Variants in SQLE observed in about 807,000 individuals in gnomAD.
SQLE encodes squalene epoxidase.
In SQLE, 29 loss-of-function variants were observed where a neutral mutation model predicts 60.7. That is an observed-to-expected ratio of 0.48 (90% CI 0.36 to 0.65). SQLE has a LOEUF of 0.65. Among genes scored for constraint, SQLE ranks in the 30% least tolerant of loss-of-function variants. The pLI is 0.00. For missense variants in SQLE, 605 were observed against 684.1 expected (o/e 0.88, Z 1.29); for synonymous variants, 237 against 246.8 (o/e 0.96, Z 0.37).
At position 125,011,411 on chromosome 8, in the gene SQLE, G is replaced by A. The variant is rs1338823114; in HGVS notation, c.1109-126G>A. The A allele has an allele frequency of 9.8e-6, 6 of 611,786 alleles. No homozygotes were observed. The Admixed American group carries it at 1.0e-4, about 11-fold the overall frequency. The allele number at this position is 611,786 out of a possible 1,614,324, so 37.9% of individuals were successfully genotyped here. On this transcript the variant is annotated intron_variant, in intron 6 of 10. Coordinates refer to ENST00000265896, the MANE Select transcript of SQLE (RefSeq NM_003129.4). ...ATAATTAGTTCTTGATTTATCACAA[G>A]GGATATATGTAACAACCATAACAGA...
chr8:125,000,314 G>C (rs142944342), intron 1 of SQLE, among the ~76,000 whole-genome samples: 1 of 152,222 alleles, frequency 6.6e-6, no homozygotes, highest in African/African-American at 2.4e-5. Flanking sequence ...GAGAAGATGA[G>C]GGGGAAGAGT....
At chr8:125,007,785 T>C (rs1336187735) in intron 4 of SQLE, among the ~76,000 whole-genome samples, 1 of 152,240 alleles carries the variant, frequency 6.6e-6, no homozygotes, top group Non-Finnish European at 1.5e-5. Flanking sequence ...ATACTCAGCC[T>C]GTGTTATTTA....
rs1350073062 is a variant in SQLE, at chr8:125,011,756, A to G, written c.1204+124A>G. ...GTTTGTCACTGTGGATTAGTGCATT[A>G]TTAATACCAAAATTAGTTTTATGAT... is the stretch of plus-strand genomic sequence containing the variant. On this transcript the variant is annotated intron_variant, in intron 7 of 10. Coordinates refer to ENST00000265896, the MANE Select transcript of SQLE (RefSeq NM_003129.4). 3.9e-6 allele frequency: 3 copies of G among 769,358 alleles called. No homozygotes were observed. The African/African-American group carries it at 5.3e-5, about 14-fold the overall frequency. The allele number at this position is 769,358 out of a possible 1,614,324, so 47.7% of individuals were successfully genotyped here. A position where few individuals can be genotyped will look rare whatever the true frequency, so the allele number is the denominator to read the frequency against.
At chr8:125,009,426 A>C in intron 6 of SQLE, 83 bp downstream of exon 6, 2 of 1,279,744 alleles carry the variant, frequency 1.6e-6, no homozygotes, top group Non-Finnish European at 2.1e-6. Context: ...ACATTCATCC[A>C]GTCAACCAGA....
Position 125,021,830 on chromosome 8 carries a change from CA to C in SQLE, c.1611del (p.Glu538AsnfsTer23), listed in dbSNP as rs754816092. ...TATGCCGTGTATTTTTGCTTTAAGTCAGAACCTTGGATTACAAAACCTCGAG... is the reference window on the plus strand; with the variant it reads ...TATGCCGTGTATTTTTGCTTTAAGTCGAACCTTGGATTACAAAACCTCGAG... ...AIYAVYFCFKSEPWITKPRAL... is the reference protein window; with the variant it reads ...AIYAVYFCFKXEPWITKPRAL... On this transcript the variant is annotated frameshift_variant, in exon 11 of 11. Transcript: ENST00000265896. LOFTEE classifies it high-confidence loss of function. The C allele has an allele frequency of 6.2e-7, 1 of 1,610,208 alleles. No individual in the cohort carries two copies. The highest frequency in any genetic ancestry group is 8.5e-7 in the Non-Finnish European group (1 of 1,177,976).
intron 3 of SQLE, among the ~76,000 whole-genome samples, chr8:125,006,438 G>A (rs1240113377): frequency 1.3e-5 from 2 of 151,816 alleles, no homozygotes; most frequent in African/African-American, 2.4e-5. Flanking sequence ...GGCCAATATG[G>A]TGAAACCCCG....
intron 2 of SQLE, among the ~76,000 whole-genome samples, chr8:125,005,000 T>C (rs1477357166): frequency 6.6e-6 from 1 of 152,226 alleles, no homozygotes; most frequent in East Asian, 1.9e-4. Flanking sequence ...TAATGGATAG[T>C]ATGTAATCAT....
chr8:125,008,693 C>T (rs551450196), intron 4 of SQLE, among the ~76,000 whole-genome samples: 1 of 152,120 alleles, frequency 6.6e-6, no homozygotes, highest in African/African-American at 2.4e-5. Context: ...GTAGTTGTTT[C>T]CCCCATTGTC....
chr8:125,002,899 A>G (rs1038152364), intron 1 of SQLE, among the ~76,000 whole-genome samples: 2 of 152,316 alleles, frequency 1.3e-5, no homozygotes, highest in South Asian at 4.1e-4. Context: ...GGATTTCTAA[A>G]TATGTCTGTA....
At position 125,016,515 on chromosome 8, in the gene SQLE, G is replaced by T. The variant is rs1815114292; in HGVS notation, c.1205-1544G>T. On this transcript the variant is annotated intron_variant, in intron 7 of 10. Coordinates refer to ENST00000265896, the MANE Select transcript of SQLE (RefSeq NM_003129.4). This position sits in a 1 kb window ranked among gnomAD's most constrained non-coding sequence, Gnocchi z 4.1. ...GCATTCTGAGTTCCTTCTCTGTGTT[G>T]TCTTGAATTTTGTTGAGCTTCTCCA... Among the ~76,000 whole-genome samples, 1 of 151,988 alleles carries T rather than the reference G, an allele frequency of 6.6e-6. No homozygotes were observed. Among genetic ancestry groups the T allele is most frequent in the Non-Finnish European group, 1.5e-5 (1 of 67,984 alleles).
In SQLE at chr8:125,013,716, C is replaced by T. The variant is rs550310305; in HGVS notation, c.1204+2084C>T. 1.1e-3 allele frequency among the ~76,000 whole-genome samples: 165 copies of T among 152,124 alleles called. 1 individual carries two copies. The highest frequency in any genetic ancestry group is 3.8e-3 in the African/African-American group (158 of 41,496). ...TACCTCTTAAATTTAGCTCTTTGAT[C>T]CATTTTGAGTTAAATTTTGTGTCTG... On this transcript the variant is annotated intron_variant, in intron 7 of 10. Coordinates refer to ENST00000265896, the MANE Select transcript of SQLE (RefSeq NM_003129.4).
intron 3 of SQLE, among the ~76,000 whole-genome samples, chr8:125,006,140 T>C (rs1814941791): frequency 6.6e-6 from 1 of 152,230 alleles, no homozygotes; most frequent in African/African-American, 2.4e-5. Context: ...GCTTCTTCTC[T>C]TGTTTATTAA....
rs549574025 is a variant in SQLE, at chr8:125,021,343, A to G, written c.1533-410A>G. 9.8e-4 allele frequency among the ~76,000 whole-genome samples: 149 copies of G among 152,238 alleles called. 3 individuals carry two copies. The highest frequency in any genetic ancestry group is 1.1e-3 in the Non-Finnish European group (76 of 68,012). ...TCCTTTGAGTCATTTCTCATAATCTATAATCTGAATGTTAATACTGATATT... is the reference window on the plus strand; with the variant it reads ...TCCTTTGAGTCATTTCTCATAATCTGTAATCTGAATGTTAATACTGATATT... On this transcript the variant is annotated intron_variant, in intron 10 of 10. Transcript: ENST00000265896.
chr8:124,998,746 CTGCAT>C lies in SQLE; in HGVS notation c.-654_-650del. 1 of 547,978 alleles carries C rather than the reference CTGCAT, an allele frequency of 1.8e-6. No homozygotes were observed. The highest frequency in any genetic ancestry group is 3.3e-6 in the Non-Finnish European group (1 of 307,062). The allele number at this position is 547,978 out of a possible 1,614,324, so 33.9% of individuals were successfully genotyped here. A position where few individuals can be genotyped will look rare whatever the true frequency, so the allele number is the denominator to read the frequency against. On this transcript the variant is annotated 5_prime_UTR_variant, in exon 1 of 11. Coordinates refer to ENST00000265896, the MANE Select transcript of SQLE (RefSeq NM_003129.4). ...AGGCCTCTAAATCTTTAGGTTGGGG[CTGCAT>C]TGCCCTGGAGCCGCACTCTTGAGTC...
At chr8:125,007,532 T>C (rs764284671) in intron 4 of SQLE, 45 bp downstream of exon 4, 60 of 1,352,526 alleles carry the variant, frequency 4.4e-5, no homozygotes, top group Non-Finnish European at 5.6e-5. Flanking sequence ...ATGTTGTTTT[T>C]CCTGCTTTTT....
intron 2 of SQLE, 45 bp from the exon 3 acceptor site, chr8:125,005,480 G>A (rs771038584): frequency 6.9e-7 from 1 of 1,459,486 alleles, no homozygotes; most frequent in East Asian, 2.5e-5. Context: ...TTTAACGCTG[G>A]GTGTGTTAAC....
chr8:125,014,153 G>T (rs1360521627), intron 7 of SQLE, among the ~76,000 whole-genome samples: 1 of 152,088 alleles, frequency 6.6e-6, no homozygotes. Context: ...GAAAGGTAAT[G>T]AATAAATTTG....
intron 9 of SQLE, among the ~76,000 whole-genome samples, chr8:125,020,016 A>C (rs981874851): frequency 6.6e-6 from 1 of 152,132 alleles, no homozygotes; most frequent in Admixed American, 6.6e-5. Context: ...CTAAGTTTAG[A>C]GTTTTGGGCA....
rs1047508860 is a variant in SQLE at position 125,008,968 on chromosome 8, T to C, written c.823-3T>C. 5.8e-6 allele frequency: 9 copies of C among 1,552,652 alleles called. No homozygotes were observed. Among genetic ancestry groups the C allele is most frequent in the East Asian group, 4.5e-5 (2 of 44,306 alleles). ...AACTGAGTAGTCTTCATTTCTGTTA[T>C]AGGAACTCCATGCTCCACTGACTGT... On this transcript the variant is annotated splice_polypyrimidine_tract_variant and splice_region_variant and intron_variant, in intron 4 of 10. Coordinates refer to ENST00000265896, the MANE Select transcript of SQLE (RefSeq NM_003129.4).
Sources: gnomAD v4.1 joint callset for allele counts (sites outside exome capture counted in the v4.1 genomes callset) on GRCh38, gnomAD v4.1.1 for gene constraint, Gnocchi (gnomAD v3.1) non-coding constraint, MANE v1.5 for transcripts, NCBI Gene and HGNC (gene_info 2026-07-23, HGNC 2026-07-21) for gene names.